Variants in SASH3 observed in about 807,000 individuals in gnomAD.
SASH3 encodes the protein SAM and SH3 domain containing 3, also known as SAM and SH3 domain-containing protein 3.
SASH3 carries 7 observed loss-of-function variants against 26.1 expected under a neutral mutation model. That is an observed-to-expected ratio of 0.27 (90% CI 0.15 to 0.50). The LOEUF (loss-of-function observed/expected upper bound fraction) is 0.50, where lower values mean the gene tolerates loss of function less well. Among genes scored for constraint, SASH3 ranks in the 20% least tolerant of loss-of-function variants. SASH3 has a pLI of 0.98. For synonymous variants in SASH3, 138 were observed against 136.8 expected (o/e 1.01, Z -0.06); for missense variants, 231 against 318.3 (o/e 0.73, Z 2.09).
intron 3 of SASH3, among the ~76,000 whole-genome samples, chrX:129,790,026 A>G (rs1407916689): frequency 1.8e-5 from 2 of 112,347 alleles, no homozygotes; most frequent in Admixed American, 9.4e-5. Context: ...GCTTGAGCCC[A>G]GTAAGAGTCC....
intron 4 of SASH3, among the ~76,000 whole-genome samples, chrX:129,791,781 A>G (rs1927236468): frequency 8.9e-6 from 1 of 112,244 alleles, no homozygotes; most frequent in African/African-American, 3.2e-5. Context: ...ACTACTCTGT[A>G]CTTCCCAGGG....
At chrX:129,788,357 G>A in intron 2 of SASH3, 74 bp from the exon 3 acceptor site, 1 of 1,108,339 alleles carries the variant, frequency 9.0e-7, no homozygotes, top group South Asian at 2.0e-5. Context: ...GTGACCCCAA[G>A]GCCTCTTTTG....
rs537090578 is a variant in SASH3, at chrX:129,786,081, T to C, written c.58-1894T>C. On this transcript the variant is annotated intron_variant, in intron 1 of 7. Transcript: ENST00000356892. ...AACCAGAGTGGTCACCCTGTGGTCA[T>C]GCTTCCCCTCCCCCACACCCACCTA... Among the ~76,000 whole-genome samples, 103 of 111,164 alleles carry C rather than the reference T, an allele frequency of 9.3e-4. 1 individual carries two copies. The highest frequency in any genetic ancestry group is 3.1e-3 in the African/African-American group (94 of 30,550).
chrX:129,785,245 A>G (rs1169019517), intron 1 of SASH3, among the ~76,000 whole-genome samples: 1 of 111,061 alleles, frequency 9.0e-6, no homozygotes, highest in African/African-American at 3.3e-5. Context: ...CCTCACTCCA[A>G]AGGGAAGCCA....
At chrX:129,787,632 T>C (rs1927132132) in intron 1 of SASH3, among the ~76,000 whole-genome samples, 1 of 111,809 alleles carries the variant, frequency 8.9e-6, no homozygotes, top group Non-Finnish European at 1.9e-5. Context: ...ATGTCTCTAG[T>C]AGTAGATACA....
At chrX:129,790,649 G>A (rs774391211) in intron 3 of SASH3, among the ~76,000 whole-genome samples, 5 of 111,336 alleles carry the variant, frequency 4.5e-5, no homozygotes, top group African/African-American at 1.6e-4. Flanking sequence ...AGTCCAGGTT[G>A]TGCCACCGTG....
At chrX:129,784,023 A>G (rs779255766) in intron 1 of SASH3, among the ~76,000 whole-genome samples, 89 of 111,537 alleles carry the variant, frequency 8.0e-4, no homozygotes, top group Non-Finnish European at 8.9e-4. Context: ...CCATGTAGAC[A>G]GCACTTAGAT....
intron 1 of SASH3, among the ~76,000 whole-genome samples, chrX:129,787,179 TC>T (rs1242424449): frequency 9.0e-6 from 1 of 111,560 alleles, no homozygotes; most frequent in Non-Finnish European, 1.9e-5. Flanking sequence ...AAAGCTCATA[TC>T]CTGAAAAACA....
intron 2 of SASH3, 37 bp from the exon 3 acceptor site, chrX:129,788,394 C>T (rs1254159789): frequency 2.5e-6 from 3 of 1,204,530 alleles, no homozygotes; most frequent in African/African-American, 1.7e-5. Context: ...TAGGCAGGAC[C>T]ACCAGGGTCC....
At chrX:129,792,508 T>C in intron 5 of SASH3, 32 bp downstream of exon 5, 1 of 1,210,574 alleles carries the variant, frequency 8.3e-7, no homozygotes, top group East Asian at 3.0e-5. Flanking sequence ...CTCTGGAGCC[T>C]GGCAGGCTGT....
rs1397036940 is a variant in SASH3 at position 129,792,750 on chromosome X, C to A, written c.715C>A (p.His239Asn). The change falls in exon 6 of 8, where the codon CAT becomes AAT. Residue 239 changes from histidine (H) to asparagine (N), a missense_variant. His to Asn is a moderately conservative substitution (Grantham distance 68). Coordinates refer to ENST00000356892, the MANE Select transcript of SASH3 (RefSeq NM_018990.4). ...VDVLPEEAVGHARPSRRQSKG... is the reference protein window; with the variant it reads ...VDVLPEEAVGNARPSRRQSKG... ...TGTGCTGCCCGAGGAGGCCGTGGGG[C>A]ATGCCCGCCCCAGCCGCCGACAGAG... 1.7e-6 allele frequency: 2 copies of A among 1,207,969 alleles called. No individual in the cohort carries two copies. Among genetic ancestry groups the A allele is most frequent in the African/African-American group, 3.5e-5 (2 of 57,266 alleles).
intron 2 of SASH3, 63 bp downstream of exon 2, chrX:129,788,133 G>GGGGGGGGT: frequency 1.6e-5 from 5 of 312,598 alleles, no homozygotes; most frequent in Non-Finnish European, 3.1e-5. Context: ...GTGGGGGTGG[G>GGGGGGGGT]AGGGAAGAGG....
chrX:129,791,186 C>CT, intron 4 of SASH3, 105 bp downstream of exon 4: 1 of 843,203 alleles, frequency 1.2e-6, no homozygotes, highest in East Asian at 3.2e-5. Flanking sequence ...GAAATGAATG[C>CT]TTACTCTTTG....
intron 1 of SASH3, 72 bp from the exon 2 acceptor site, chrX:129,787,903 G>T (rs1351127762): frequency 1.2e-5 from 9 of 781,605 alleles, no homozygotes; most frequent in Non-Finnish European, 1.8e-5. Context: ...ATTGTGTGGT[G>T]GGGGGAGGCG....
chrX:129,792,617 C>T lies in SASH3; in HGVS notation c.592-10C>T, dbSNP rs1927251548. 1 of 1,206,555 alleles carries T rather than the reference C, an allele frequency of 8.3e-7. No individual in the cohort carries two copies. Among genetic ancestry groups the T allele is most frequent in the African/African-American group, 1.7e-5 (1 of 57,306 alleles). On this transcript the variant is annotated splice_polypyrimidine_tract_variant and intron_variant, in intron 5 of 7. Transcript: ENST00000356892. ...CCCTTGCTCCCTTCTCCTCTCCTCT[C>T]CCCCAACAGAAAGGAGATGTGATCC... is the stretch of plus-strand genomic sequence containing the variant.
chrX:129,788,939 C>T (rs1242220806), intron 3 of SASH3, among the ~76,000 whole-genome samples: 3 of 109,115 alleles, frequency 2.7e-5, no homozygotes, highest in Non-Finnish European at 5.7e-5. Context: ...CCCATCTCTA[C>T]TAAAAATACA....
intron 1 of SASH3, among the ~76,000 whole-genome samples, chrX:129,786,961 C>T (rs1927118060): frequency 9.5e-6 from 1 of 105,718 alleles, no homozygotes; most frequent in Non-Finnish European, 1.9e-5. Context: ...CGCCACTGCA[C>T]TCCAGCCTGG....
intron 2 of SASH3, 67 bp downstream of exon 2, chrX:129,788,137 G>GGGGGGGGGGGGGGCTGGC: frequency 2.8e-6 from 1 of 354,275 alleles, no homozygotes; most frequent in Non-Finnish European, 5.4e-6. Context: ...GGGTGGGAGG[G>GGGGGGGGGGGGGGCTGGC]AAGAGGGTGA....
chrX:129,793,727 G>T lies in SASH3; in HGVS notation c.1038G>T (p.Pro346=). 2 of 1,211,928 alleles carry T rather than the reference G, an allele frequency of 1.7e-6. No individual in the cohort carries two copies. Among genetic ancestry groups the T allele is most frequent in the Non-Finnish European group, 2.2e-6 (2 of 895,441 alleles). The part of the protein sequence containing the change: ...HTVSEPKVDI[P]RDSGCFEGSE... ...TGTCGGAACCCAAGGTGGACATCCC[G>T]CGCGACTCAGGCTGCTTTGAGGGCT... is the stretch of plus-strand genomic sequence containing the variant. Residue 346 remains proline, a synonymous_variant, in exon 8 of 8, where the codon CCG becomes CCT. Transcript: ENST00000356892.
Sources: gnomAD v4.1 joint callset for allele counts (sites outside exome capture counted in the v4.1 genomes callset) on GRCh38, gnomAD v4.1.1 for gene constraint, MANE v1.5 for transcripts, NCBI Gene and HGNC (gene_info 2026-07-23, HGNC 2026-07-21) for gene names.